The following DPYD variants were observed in gnomAD, a reference collection of about 807,000 sequenced individuals.
The protein encoded by DPYD is dihydropyrimidine dehydrogenase.
In DPYD, 109 loss-of-function variants were observed where a neutral mutation model predicts 116.2. The ratio of observed to expected loss-of-function variants is 0.94; its 90% CI spans 0.80 to 1.10. DPYD has a LOEUF of 1.10. Among genes scored for constraint, DPYD ranks in the 50% least tolerant of loss-of-function variants. DPYD has a pLI of 0.00. For missense variants in DPYD, 1,302 were observed against 1,254.5 expected (o/e 1.04, Z -0.57); for synonymous variants, 440 against 432.0 (o/e 1.02, Z -0.23).
Position 97,578,718 on chromosome 1 carries a change from G to A in DPYD, c.1129-4748C>T, listed in dbSNP as rs115829924. Among the ~76,000 whole-genome samples the A allele has an allele frequency of 7.2e-3, 1,094 of 152,314 alleles. 13 individuals are homozygous for A. The highest frequency in any genetic ancestry group is 0.025 in the African/African-American group (1,042 of 41,554). ...AAAAGGAAAAGCTAAAGTGAAAGGTGAAGGGCTTGGCTAGACATAGTTCCC... is the reference window on the plus strand; with the variant it reads ...AAAAGGAAAAGCTAAAGTGAAAGGTAAAGGGCTTGGCTAGACATAGTTCCC... On this transcript the variant is annotated intron_variant, in intron 10 of 22. Coordinates refer to ENST00000370192, the MANE Select transcript of DPYD (RefSeq NM_000110.4).
intron 13 of DPYD, among the ~76,000 whole-genome samples, chr1:97,510,829 T>G (rs1197149845): frequency 6.6e-6 from 1 of 152,010 alleles, no homozygotes. Flanking sequence ...ATCTTTCAGC[T>G]TCCACTCTTG....
chr1:97,440,975 CT>C (rs1440778356), intron 14 of DPYD, among the ~76,000 whole-genome samples: 2 of 152,052 alleles, frequency 1.3e-5, no homozygotes, highest in South Asian at 2.1e-4. Context: ...AATATTCGTC[CT>C]TTTCTTTCAG....
intron 12 of DPYD, among the ~76,000 whole-genome samples, chr1:97,536,218 G>A (rs1246973324): frequency 1.3e-5 from 2 of 152,166 alleles, no homozygotes; most frequent in Admixed American, 6.5e-5. Flanking sequence ...CATGGAAACA[G>A]CATTTAGCCA....
chr1:97,497,292 C>T (rs929738384), intron 13 of DPYD, among the ~76,000 whole-genome samples: 2 of 151,826 alleles, frequency 1.3e-5, no homozygotes, highest in African/African-American at 4.8e-5. Context: ...TAAGAGACTA[C>T]TCATTGAATA....
At chr1:97,722,383 G>C (rs1401705076) in intron 4 of DPYD, among the ~76,000 whole-genome samples, 1 of 151,364 alleles carries the variant, frequency 6.6e-6, no homozygotes, top group African/African-American at 2.4e-5. Flanking sequence ...AAGAAAATCT[G>C]AATAAACTAG....
At chr1:97,798,545 T>C (rs550671495) in intron 3 of DPYD, among the ~76,000 whole-genome samples, 1 of 152,052 alleles carries the variant, frequency 6.6e-6, no homozygotes, top group Admixed American at 6.6e-5. Flanking sequence ...TATTCAATAT[T>C]TGTTATTATA....
At chr1:97,199,405 T>C (rs1158315841) in intron 19 of DPYD, among the ~76,000 whole-genome samples, 2 of 152,044 alleles carry the variant, frequency 1.3e-5, no homozygotes, top group Non-Finnish European at 2.9e-5. Context: ...CACTTAAAAA[T>C]GGAGATTAAA....
intron 2 of DPYD, among the ~76,000 whole-genome samples, chr1:97,861,945 T>C (rs1413303385): frequency 6.6e-6 from 1 of 151,914 alleles, no homozygotes; most frequent in African/African-American, 2.4e-5. Flanking sequence ...CCAGGAGAAA[T>C]GTATAAATGT....
In DPYD at chr1:97,195,634, G is replaced by GTATA. The variant is rs71071637; in HGVS notation, c.2443-2390_2443-2387dup. ...TATATATGTATGTGTATATGTATGT[G>GTATA]TATATATATATATATATATATATAT... On this transcript the variant is annotated intron_variant, in intron 19 of 22. Transcript: ENST00000370192. Among the ~76,000 whole-genome samples, 236 of 57,502 alleles carry GTATA rather than the reference G, an allele frequency of 4.1e-3. 1 individual carries two copies. The highest frequency in any genetic ancestry group is 5.3e-3 in the Non-Finnish European group (158 of 30,060). The allele number at this position is 57,502 out of a possible 152,430, so 37.7% of individuals were successfully genotyped here.
intron 18 of DPYD, among the ~76,000 whole-genome samples, chr1:97,298,542 G>T (rs1374995709): frequency 6.7e-6 from 1 of 150,014 alleles, no homozygotes; most frequent in Non-Finnish European, 1.5e-5. Context: ...CATAAATTAA[G>T]AATCTGATTT....
At chr1:97,870,340 T>C (rs548879491) in intron 2 of DPYD, among the ~76,000 whole-genome samples, 25 of 152,034 alleles carry the variant, frequency 1.6e-4, no homozygotes, top group African/African-American at 5.8e-4. Context: ...AAAAATATCC[T>C]GGCTTAATGA....
intron 5 of DPYD, among the ~76,000 whole-genome samples, chr1:97,711,836 A>G (rs1662303733): frequency 6.6e-6 from 1 of 151,996 alleles, no homozygotes; most frequent in Non-Finnish European, 1.5e-5. Flanking sequence ...AAAACTCAAA[A>G]TAAGTTATAA....
At chr1:97,096,817 T>C (rs541140542) in intron 21 of DPYD, among the ~76,000 whole-genome samples, 2 of 152,106 alleles carry the variant, frequency 1.3e-5, no homozygotes, top group Non-Finnish European at 2.9e-5. Flanking sequence ...CTGGGGTCCC[T>C]TTCCATGCTG....
At chr1:97,371,808 T>C (rs1671324574) in intron 16 of DPYD, among the ~76,000 whole-genome samples, 1 of 152,238 alleles carries the variant, frequency 6.6e-6, no homozygotes, top group African/African-American at 2.4e-5. Flanking sequence ...AGAATTGGTT[T>C]CAGTTGTAGA....
intron 14 of DPYD, among the ~76,000 whole-genome samples, chr1:97,398,758 C>A (rs1456332231): frequency 6.6e-6 from 1 of 152,132 alleles, no homozygotes; most frequent in Non-Finnish European, 1.5e-5. Flanking sequence ...TGAGAAGTGT[C>A]TATTCATTTG....
At chr1:97,309,390 C>T (rs1160702579) in intron 16 of DPYD, among the ~76,000 whole-genome samples, 6 of 150,626 alleles carry the variant, frequency 4.0e-5, no homozygotes, top group Admixed American at 1.3e-4. Context: ...TACCTGTTAA[C>T]CCTTTTGCTA....
intron 3 of DPYD, among the ~76,000 whole-genome samples, chr1:97,786,916 T>C (rs887047944): frequency 1.3e-5 from 2 of 152,188 alleles, no homozygotes; most frequent in African/African-American, 2.4e-5. Context: ...ACTGTGTAAA[T>C]TGTTCTCCTT....
intron 21 of DPYD, among the ~76,000 whole-genome samples, chr1:97,092,634 G>A (rs1487799634): frequency 1.1e-4 from 17 of 152,146 alleles, no homozygotes; most frequent in Admixed American, 7.9e-4. Flanking sequence ...CACAGTGGGC[G>A]TTGGAAATGT....
At chr1:97,107,861 C>T (rs1195443386) in intron 20 of DPYD, among the ~76,000 whole-genome samples, 1 of 152,080 alleles carries the variant, frequency 6.6e-6, no homozygotes, top group African/African-American at 2.4e-5. Flanking sequence ...ATACTACCTA[C>T]ATACTCCATT....
Sources: gnomAD v4.1 joint callset for allele counts (sites outside exome capture counted in the v4.1 genomes callset) on GRCh38, gnomAD v4.1.1 for gene constraint, MANE v1.5 for transcripts, NCBI Gene and HGNC (gene_info 2026-07-23, HGNC 2026-07-21) for gene names.